Variants in CADM1 observed in about 807,000 individuals in gnomAD.
The protein encoded by CADM1 is cell adhesion molecule 1.
In CADM1, 15 loss-of-function variants were observed where a neutral mutation model predicts 53.1. That is an observed-to-expected ratio of 0.28 (90% CI 0.19 to 0.44). CADM1 has a LOEUF of 0.44. Among genes scored for constraint, CADM1 ranks in the 20% least tolerant of loss-of-function variants. The pLI is 1.00. For missense variants in CADM1, 434 were observed against 611.3 expected, an observed-to-expected ratio of 0.71 and a Z score of 3.06; for synonymous variants, 281 against 243.0, an observed-to-expected ratio of 1.16 and a Z score of -1.45.
chr11:115,390,375 T>TG (rs1043726085), intron 1 of CADM1, among the ~76,000 whole-genome samples: 2 of 145,834 alleles, frequency 1.4e-5, no homozygotes, highest in African/African-American at 2.6e-5. Flanking sequence ...GGGAAAGGGT[T>TG]GGGGGGCAGG....
chr11:115,319,811 G>A (rs575444599), intron 1 of CADM1, among the ~76,000 whole-genome samples: 2 of 152,168 alleles, frequency 1.3e-5, no homozygotes, highest in Non-Finnish European at 1.5e-5. Flanking sequence ...TTCAAAAAAG[G>A]TATTGCCATT....
chr11:115,312,230 C>T (rs936391869), intron 1 of CADM1, among the ~76,000 whole-genome samples: 14 of 152,206 alleles, frequency 9.2e-5, no homozygotes, highest in African/African-American at 3.1e-4. Flanking sequence ...GCTCCAATGC[C>T]GCTTTATTTA....
At chr11:115,316,602 A>G (rs1944673428) in intron 1 of CADM1, among the ~76,000 whole-genome samples, 1 of 152,116 alleles carries the variant, frequency 6.6e-6, no homozygotes, top group Non-Finnish European at 1.5e-5. Context: ...TTCATCCTTA[A>G]AATGTATAGT....
At chr11:115,327,517 A>G (rs1334443107) in intron 1 of CADM1, among the ~76,000 whole-genome samples, 3 of 122,622 alleles carry the variant, frequency 2.4e-5, no homozygotes, top group African/African-American at 9.1e-5. Flanking sequence ...GGAATACATA[A>G]GAGTTTTTTT....
intron 1 of CADM1, among the ~76,000 whole-genome samples, chr11:115,307,022 G>A (rs1944393248): frequency 6.6e-6 from 1 of 151,934 alleles, no homozygotes; most frequent in Non-Finnish European, 1.5e-5. Flanking sequence ...GATGTAGTCA[G>A]AATGTCAAAG....
intron 1 of CADM1, among the ~76,000 whole-genome samples, chr11:115,481,925 TC>T: frequency 6.6e-6 from 1 of 152,176 alleles, no homozygotes; most frequent in South Asian, 2.1e-4. Flanking sequence ...ACCCTCCCGC[TC>T]CCCTCATTGA....
At chr11:115,227,511 G>A (rs532612340) in intron 5 of CADM1, among the ~76,000 whole-genome samples, 6 of 152,178 alleles carry the variant, frequency 3.9e-5, no homozygotes, top group African/African-American at 1.2e-4. Context: ...AAGCTAATGG[G>A]CCCCTACAAG....
chr11:115,416,064 T>G (rs1201579928), intron 1 of CADM1, among the ~76,000 whole-genome samples: 1 of 152,208 alleles, frequency 6.6e-6, no homozygotes, highest in East Asian at 1.9e-4. Flanking sequence ...AATTCATTAT[T>G]ATCTACTGTA....
intron 1 of CADM1, among the ~76,000 whole-genome samples, chr11:115,301,369 T>C (rs1349143219): frequency 6.6e-6 from 1 of 152,076 alleles, no homozygotes; most frequent in Non-Finnish European, 1.5e-5. Flanking sequence ...GGAAGTTTAG[T>C]TTGAAGAGCA....
chr11:115,223,085 G>GA (rs943330982), intron 5 of CADM1, among the ~76,000 whole-genome samples: 4 of 152,170 alleles, frequency 2.6e-5, no homozygotes, highest in African/African-American at 9.6e-5. Context: ...AAGTGAATGA[G>GA]AAAGTGAAGA....
At chr11:115,227,154 T>C (rs12280033) in intron 5 of CADM1, among the ~76,000 whole-genome samples, 22,347 of 152,186 alleles carry the variant, frequency 0.15, 2,531 homozygotes, top group African/African-American at 0.3. Flanking sequence ...AAAGTATCAA[T>C]TGGTGCATCC....
intron 1 of CADM1, among the ~76,000 whole-genome samples, chr11:115,488,335 T>G (rs1949421942): frequency 6.6e-6 from 1 of 152,180 alleles, no homozygotes; most frequent in African/African-American, 2.4e-5. Context: ...AAGGGAACAC[T>G]TTAGAACTAA....
At chr11:115,372,750 T>A (rs1284933143) in intron 1 of CADM1, among the ~76,000 whole-genome samples, 1 of 152,182 alleles carries the variant, frequency 6.6e-6, no homozygotes, top group African/African-American at 2.4e-5. Flanking sequence ...TATAGTCTAC[T>A]CTAAGAGAGA....
chr11:115,439,024 A>G (rs1035936944), intron 1 of CADM1, among the ~76,000 whole-genome samples: 8 of 152,232 alleles, frequency 5.3e-5, no homozygotes, highest in African/African-American at 1.9e-4. Flanking sequence ...TCATCAGAGA[A>G]CCCACTCTGG....
At chr11:115,478,484 C>A (rs1018960922) in intron 1 of CADM1, among the ~76,000 whole-genome samples, 1 of 152,054 alleles carries the variant, frequency 6.6e-6, no homozygotes, top group South Asian at 2.1e-4. Flanking sequence ...AGTAAATAAA[C>A]GATTACTGCA....
intron 1 of CADM1, among the ~76,000 whole-genome samples, chr11:115,309,888 T>C (rs1197931277): frequency 1.3e-5 from 2 of 152,116 alleles, no homozygotes; most frequent in African/African-American, 4.8e-5. Context: ...TCGAGAATAA[T>C]CCCTAGCCTC....
intron 10 of CADM1, among the ~76,000 whole-genome samples, chr11:115,185,968 C>T (rs968960741): frequency 6.6e-6 from 1 of 152,226 alleles, no homozygotes; most frequent in Non-Finnish European, 1.5e-5. Flanking sequence ...AATTCACACT[C>T]ACCGTGGCCT....
intron 2 of CADM1, among the ~76,000 whole-genome samples, chr11:115,238,913 C>T (rs1429296427): frequency 5.3e-5 from 8 of 151,988 alleles, no homozygotes; most frequent in Admixed American, 6.6e-5. Context: ...CCCAGCTACG[C>T]ACCCTTCTAA....
At chr11:115,348,438 G>A (rs980738457) in intron 1 of CADM1, among the ~76,000 whole-genome samples, 7 of 152,112 alleles carry the variant, frequency 4.6e-5, no homozygotes, top group South Asian at 2.1e-4. Context: ...GATTAGCTCC[G>A]TGTAGTTTAA....
Sources: allele counts gnomAD v4.1 joint callset (sites outside exome capture counted in the v4.1 genomes callset), GRCh38; gene constraint gnomAD v4.1.1; transcripts MANE v1.5; gene names NCBI Gene and HGNC (gene_info 2026-07-23, HGNC 2026-07-21).